FBXO42: variants seen among roughly 807,000 people sequenced by gnomAD.
FBXO42 encodes F-box only protein 42.
FBXO42 carries 12 observed loss-of-function variants against 71.7 expected under a neutral mutation model. The ratio of observed to expected loss-of-function variants is 0.17; its 90% CI spans 0.11 to 0.27. The LOEUF (loss-of-function observed/expected upper bound fraction) is 0.27. Ranked by LOEUF, FBXO42 falls within the 10% of genes least tolerant of loss-of-function variation. The pLI is 1.00. For synonymous variants in FBXO42, 325 were observed against 327.5 expected, an observed-to-expected ratio of 0.99 and a Z score of 0.08; for missense variants, 707 against 911.9, an observed-to-expected ratio of 0.78 and a Z score of 2.89.
In FBXO42 at chr1:16,252,244, A is replaced by G. The variant is rs1342035730; in HGVS notation, c.1038+44T>C. The G allele has an allele frequency of 6.9e-7, 1 of 1,457,088 alleles. No individual in the cohort carries two copies. Among genetic ancestry groups the G allele is most frequent in the East Asian group, 2.3e-5 (1 of 43,988 alleles). The allele number at this position is 1,457,088 out of a possible 1,614,324, so 90.3% of individuals were successfully genotyped here. ...TGACAAAGTAATGTGGTTTTCCACAATTTAGGACCTGTCCTCCTGCTAGCC... is the reference window on the plus strand; with the variant it reads ...TGACAAAGTAATGTGGTTTTCCACAGTTTAGGACCTGTCCTCCTGCTAGCC... On this transcript the variant is annotated intron_variant, in intron 9 of 9. Transcript: ENST00000375592. The surrounding 1 kb of genome is among the most constrained non-coding windows in gnomAD (Gnocchi z 4.4).
intron 4 of FBXO42, among the ~76,000 whole-genome samples, chr1:16,283,493 A>ATTTTTTTTTTTTTTTTT (rs2081986683): frequency 3.1e-5 from 2 of 64,636 alleles, no homozygotes; most frequent in African/African-American, 9.0e-5. Flanking sequence ...AACTGTGGCA[A>ATTTTTTTTTTTTTTTTT]GTTTTTTTTT....
rs111790937 is a variant in FBXO42, at chr1:16,322,877, C to T, written c.-17-7442G>A. 4.8e-3 allele frequency among the ~76,000 whole-genome samples: 731 copies of T among 152,260 alleles called. 9 individuals carry two copies. The highest frequency in any genetic ancestry group is 0.017 in the African/African-American group (697 of 41,552). On this transcript the variant is annotated intron_variant, in intron 1 of 9. Transcript: ENST00000375592. ...TGAATTCATTGGAGAAAATCCGTAACCTAGAAAGAATCAACTCAAAAGAAT... is the reference window on the plus strand; with the variant it reads ...TGAATTCATTGGAGAAAATCCGTAATCTAGAAAGAATCAACTCAAAAGAAT...
chr1:16,303,644 T>G (rs2082220056), intron 3 of FBXO42, among the ~76,000 whole-genome samples: 1 of 151,952 alleles, frequency 6.6e-6, no homozygotes, highest in Admixed American at 6.6e-5. Context: ...CTCGACTCAC[T>G]GCAACCTCCG....
At chr1:16,299,030 C>T (rs973409345) in intron 3 of FBXO42, among the ~76,000 whole-genome samples, 9 of 150,824 alleles carry the variant, frequency 6.0e-5, no homozygotes, top group African/African-American at 1.7e-4. Flanking sequence ...TTTTTTTCCT[C>T]GAGACAGAGT....
chr1:16,282,622 A>G (rs1176390043), intron 4 of FBXO42, among the ~76,000 whole-genome samples: 19 of 152,078 alleles, frequency 1.2e-4, no homozygotes, highest in Admixed American at 9.8e-4. Flanking sequence ...AGGTAGGAGG[A>G]CAGCTTGAGG....
At chr1:16,351,505 G>C (rs146907760) in intron 1 of FBXO42, among the ~76,000 whole-genome samples, 13 of 152,270 alleles carry the variant, frequency 8.5e-5, no homozygotes, top group African/African-American at 3.1e-4. Flanking sequence ...AGATTTAACA[G>C]ACAAAGCAAT....
chr1:16,326,040 G>GTGTGTGTGTGTGTC (rs766515532), intron 1 of FBXO42, among the ~76,000 whole-genome samples: 14 of 150,388 alleles, frequency 9.3e-5, no homozygotes, highest in African/African-American at 3.2e-4. Flanking sequence ...GTGTGTGTGT[G>GTGTGTGTGTGTGTC]TGTGTGTGTC....
At chr1:16,323,519 G>A (rs1032073209) in intron 1 of FBXO42, among the ~76,000 whole-genome samples, 9 of 143,632 alleles carry the variant, frequency 6.3e-5, no homozygotes, top group Non-Finnish European at 1.4e-4. Flanking sequence ...GGACAGGGCC[G>A]GGCGCAGTGG....
chr1:16,343,524 T>G (rs1456326291), intron 1 of FBXO42, among the ~76,000 whole-genome samples: 1 of 151,952 alleles, frequency 6.6e-6, no homozygotes, highest in Non-Finnish European at 1.5e-5. Flanking sequence ...CCAGCCCAGG[T>G]GACAGAGCCA....
chr1:16,324,069 T>C (rs2082431284), intron 1 of FBXO42, among the ~76,000 whole-genome samples: 1 of 152,162 alleles, frequency 6.6e-6, no homozygotes, highest in Admixed American at 6.6e-5. Context: ...CATAAAGTGA[T>C]TCAATCTAAG....
chr1:16,324,881 G>C (rs1426920968), intron 1 of FBXO42, among the ~76,000 whole-genome samples: 1 of 152,100 alleles, frequency 6.6e-6, no homozygotes. Context: ...AATTGGGGAA[G>C]GTGAAGGGAT....
intron 4 of FBXO42, among the ~76,000 whole-genome samples, chr1:16,287,596 TTTA>T (rs1183634574): frequency 6.6e-6 from 1 of 152,154 alleles, no homozygotes; most frequent in African/African-American, 2.4e-5. Flanking sequence ...TCATTTATTT[TTTA>T]TTATTTTTGT....
chr1:16,271,976 CA>C (rs112291081), intron 4 of FBXO42, among the ~76,000 whole-genome samples: 1,217 of 109,666 alleles, frequency 0.011, 6 homozygotes, highest in African/African-American at 0.027. Flanking sequence ...CCGTTTCTAC[CA>C]AAAAAAAAAA....
intron 4 of FBXO42, among the ~76,000 whole-genome samples, chr1:16,268,166 G>A (rs2081799194): frequency 6.6e-6 from 1 of 152,164 alleles, no homozygotes; most frequent in South Asian, 2.1e-4. Flanking sequence ...GGGACTTTAA[G>A]AAGTGAAAAC....
chr1:16,289,608 T>C (rs1298507150), intron 4 of FBXO42, among the ~76,000 whole-genome samples: 4 of 151,758 alleles, frequency 2.6e-5, no homozygotes, highest in Admixed American at 6.6e-5. Flanking sequence ...TTTTCTTTGC[T>C]GCACCAGGCA....
chr1:16,276,370 ACT>A (rs2081903097), intron 4 of FBXO42, among the ~76,000 whole-genome samples: 1 of 137,788 alleles, frequency 7.3e-6, no homozygotes, highest in Non-Finnish European at 1.5e-5. Flanking sequence ...ACAGACCGAC[ACT>A]CTGTCTCAAA....
At chr1:16,263,801 C>T (rs578032485) in intron 4 of FBXO42, among the ~76,000 whole-genome samples, 1 of 145,032 alleles carries the variant, frequency 6.9e-6, no homozygotes, top group South Asian at 2.1e-4. Flanking sequence ...CACGGCCATA[C>T]ATTAACTTTT....
intron 1 of FBXO42, among the ~76,000 whole-genome samples, chr1:16,319,724 A>G (rs1250961319): frequency 6.6e-6 from 1 of 152,004 alleles, no homozygotes; most frequent in Non-Finnish European, 1.5e-5. Context: ...CAGCCTGGCC[A>G]ATATGGTGAA....
chr1:16,315,185 C>A lies in FBXO42; in HGVS notation c.234G>T (p.Trp78Cys). 6.2e-7 allele frequency: 1 copy of A among 1,613,460 alleles called. No individual in the cohort carries two copies. Among genetic ancestry groups the A allele is most frequent in the East Asian group, 2.2e-5 (1 of 44,872 alleles). The change falls in exon 2 of 10, where the codon TGG (tryptophan) becomes TGT (cysteine). Residue 78 changes from tryptophan to cysteine, a missense_variant. This residue lies in a region of FBXO42 where 188 missense variants were observed against 230.5 expected (regional missense o/e 0.82). Transcript: ENST00000375592. ...CCACAGTACCTTTGATAAGTCGATA[C>A]CACTGTTTGCAGACAAGGGCCGCAG... ...HKTAALVCKQ[W>C]YRLIKGVAHQ...
Sources: gnomAD v4.1 joint callset for allele counts (sites outside exome capture counted in the v4.1 genomes callset) on GRCh38, gnomAD v4.1.1 for gene constraint, gnomAD v4.1.1 regional missense constraint, Gnocchi (gnomAD v3.1) non-coding constraint, MANE v1.5 for transcripts, NCBI Gene and HGNC (gene_info 2026-07-23, HGNC 2026-07-21) for gene names.